The following SLC2A9 variants were observed in gnomAD, a reference collection of about 807,000 sequenced individuals.
SLC2A9 encodes the protein solute carrier family 2 member 9.
SLC2A9 carries 39 observed loss-of-function variants against 50.6 expected under a neutral mutation model. The observed-to-expected ratio is 0.77, with a 90% confidence interval of 0.60 to 1.01. SLC2A9 has a LOEUF of 1.01. Ranked by LOEUF, SLC2A9 falls within the 50% of genes least tolerant of loss-of-function variation. The pLI, the probability that SLC2A9 is intolerant of heterozygous loss-of-function variation, is 0.00. For missense variants in SLC2A9, 686 were observed against 677.6 expected (o/e 1.01, Z -0.14); for synonymous variants, 324 against 276.9 (o/e 1.17, Z -1.69).
chr4:9,958,495 G>A (rs945647303), intron 5 of SLC2A9, among the ~76,000 whole-genome samples: 1 of 152,164 alleles, frequency 6.6e-6, no homozygotes, highest in African/African-American at 2.4e-5. Flanking sequence ...GCCTGTTGGA[G>A]GTGAGGCCTA....
intron 5 of SLC2A9, among the ~76,000 whole-genome samples, chr4:9,971,172 C>A (rs558835542): frequency 6.6e-6 from 1 of 152,178 alleles, no homozygotes; most frequent in Non-Finnish European, 1.5e-5. Flanking sequence ...GAGGTTTTGT[C>A]TGTGGCTCAT....
Position 9,996,903 on chromosome 4 carries a change from C to A in SLC2A9, c.288G>T (p.Arg96Ser), listed in dbSNP as rs145737040. The A allele has an allele frequency of 6.2e-7, 1 of 1,614,140 alleles. No individual in the cohort carries two copies. Among genetic ancestry groups the A allele is most frequent in the Non-Finnish European group, 8.5e-7 (1 of 1,180,008 alleles). Residue 96 changes from arginine to serine, a missense_variant, in exon 3 of 12, where the codon AGG becomes AGT. Transcript: ENST00000264784. ...TGTCTGGGTCTATTGGACGTCCATGCCTTCTTTCCCATGACTCATTGTAAA... is the reference window on the plus strand; with the variant it reads ...TGTCTGGGTCTATTGGACGTCCATGACTTCTTTCCCATGACTCATTGTAAA... The part of the protein sequence containing the change: ...KAFYNESWER[R>S]HGRPIDPDTL...
downstream of SLC2A9, among the ~76,000 whole-genome samples, chr4:9,775,915 C>T (rs1717495651): frequency 6.6e-6 from 1 of 152,196 alleles, no homozygotes; most frequent in South Asian, 2.1e-4. Flanking sequence ...TTCTAGAACA[C>T]ACGTGGCTTC....
intron 10 of SLC2A9, among the ~76,000 whole-genome samples, chr4:9,843,455 T>C (rs7683831): frequency 0.47 from 71,511 of 151,758 alleles, 19,236 homozygotes; most frequent in African/African-American, 0.74. Context: ...GGGGGTCTTA[T>C]GCTAAAGTTA....
At chr4:9,806,114 G>A (rs965938197) in intron 3 of SLC2A9, among the ~76,000 whole-genome samples, 2 of 152,186 alleles carry the variant, frequency 1.3e-5, no homozygotes, top group Non-Finnish European at 2.9e-5. Context: ...CTTTCCACCT[G>A]CATGTTTGGC....
At chr4:9,789,634 C>T (rs1301046534) in intron 3 of SLC2A9, among the ~76,000 whole-genome samples, 1 of 152,230 alleles carries the variant, frequency 6.6e-6, no homozygotes, top group Non-Finnish European at 1.5e-5. Context: ...CATGTGGAAA[C>T]CCCTGGGCCT....
chr4:9,914,594 C>A (rs1486098004), intron 7 of SLC2A9, among the ~76,000 whole-genome samples: 1 of 152,202 alleles, frequency 6.6e-6, no homozygotes, highest in African/African-American at 2.4e-5. Context: ...GTGGTTGAAT[C>A]TCCAAGGCAG....
At chr4:9,782,129 C>G in intron 3 of SLC2A9, 1 of 1,551,942 alleles carries the variant, frequency 6.4e-7, no homozygotes. Context: ...GGCGGGGGCA[C>G]CGCCACTGGG....
chr4:9,986,897 G>A (rs2109161766), intron 3 of SLC2A9, among the ~76,000 whole-genome samples: 1 of 152,294 alleles, frequency 6.6e-6, no homozygotes, highest in Non-Finnish European at 1.5e-5. Flanking sequence ...GGAGCTAGGA[G>A]ACTTTGAACT....
At chr4:9,816,288 G>A (rs1723581531) in intron 3 of SLC2A9, among the ~76,000 whole-genome samples, 1 of 152,160 alleles carries the variant, frequency 6.6e-6, no homozygotes, top group African/African-American at 2.4e-5. Flanking sequence ...ACTGCTCTAG[G>A]CTGTCTGTAA....
At chr4:9,879,911 G>C in intron 10 of SLC2A9, 1 of 985,426 alleles carries the variant, frequency 1.0e-6, no homozygotes, top group Non-Finnish European at 1.2e-6. Flanking sequence ...TGCCTCTCTT[G>C]TTTTCTTTCT....
At chr4:9,963,157 G>C (rs932519077) in intron 5 of SLC2A9, among the ~76,000 whole-genome samples, 60 of 152,316 alleles carry the variant, frequency 3.9e-4, no homozygotes, top group African/African-American at 1.3e-3. Flanking sequence ...GCAGGCAAGA[G>C]AGAGCATGTA....
At chr4:9,950,706 ACACGGTG>A (rs1239052557) in intron 5 of SLC2A9, among the ~76,000 whole-genome samples, 5,492 of 87,148 alleles carry the variant, frequency 0.063, 754 homozygotes, top group Middle Eastern at 0.14. Flanking sequence ...ATCCTGGCTA[ACACGGTG>A]AAACCCTGTC....
At chr4:9,819,106 G>A (rs914447267) in intron 3 of SLC2A9, among the ~76,000 whole-genome samples, 13 of 126,982 alleles carry the variant, frequency 1.0e-4, no homozygotes, top group Non-Finnish European at 1.7e-4. Context: ...GCAACAGAGC[G>A]AGACTGTCTC....
At chr4:9,848,355 T>TA (rs10716180) in intron 10 of SLC2A9, among the ~76,000 whole-genome samples, 168 of 139,116 alleles carry the variant, frequency 1.2e-3, no homozygotes, top group South Asian at 2.4e-3. Context: ...ATGTGTTTTC[T>TA]AAAAAAAAAA....
intron 5 of SLC2A9, among the ~76,000 whole-genome samples, chr4:9,965,168 G>A (rs1208465241): frequency 1.8e-4 from 27 of 152,172 alleles, no homozygotes; most frequent in Admixed American, 1.7e-3. Context: ...AATTAGGCTT[G>A]GAGAGGTTAG....
rs141767516 is a variant in SLC2A9 at position 9,976,009 on chromosome 4, C to T, written c.681+4583G>A. ...AATAACACAGGAACAGAAAACCAAACACTGCATGTTCTCACTTATAAGTGG... is the reference window on the plus strand; with the variant it reads ...AATAACACAGGAACAGAAAACCAAATACTGCATGTTCTCACTTATAAGTGG... On this transcript the variant is annotated intron_variant, in intron 5 of 11. Transcript: ENST00000264784. Among the ~76,000 whole-genome samples the T allele has an allele frequency of 9.4e-3, 1,435 of 152,272 alleles. 27 individuals are homozygous for T. Among genetic ancestry groups the T allele is most frequent in the African/African-American group, 0.033 (1,384 of 41,538 alleles).
At chr4:9,959,237 CA>C (rs1751834434) in intron 5 of SLC2A9, among the ~76,000 whole-genome samples, 1 of 144,474 alleles carries the variant, frequency 6.9e-6, no homozygotes, top group Non-Finnish European at 1.5e-5. Context: ...AAAAAAAATA[CA>C]AAAATTAGCC....
At chr4:9,981,189 GTGA>G (rs1560429734) in intron 4 of SLC2A9, among the ~76,000 whole-genome samples, 1 of 149,966 alleles carries the variant, frequency 6.7e-6, no homozygotes, top group Non-Finnish European at 1.5e-5. Flanking sequence ...GGTGGTGGTA[GTGA>G]TGGTCATGAT....
Sources: allele counts gnomAD v4.1 joint callset (sites outside exome capture counted in the v4.1 genomes callset), GRCh38; gene constraint gnomAD v4.1.1; transcripts MANE v1.5; gene names NCBI Gene and HGNC (gene_info 2026-07-23, HGNC 2026-07-21).